The following DACH2 variants were observed in gnomAD, a reference collection of about 807,000 sequenced individuals.
DACH2 encodes dachshund family transcription factor 2, also known as dachshund homolog 2.
DACH2 carries 17 observed loss-of-function variants against 35.8 expected under a neutral mutation model. That is an observed-to-expected ratio of 0.48 (90% CI 0.33 to 0.71). DACH2 has a LOEUF of 0.71. Among genes scored for constraint, DACH2 ranks in the 30% least tolerant of loss-of-function variants. DACH2 has a pLI of 0.02. For synonymous variants in DACH2, 195 were observed against 177.3 expected, an observed-to-expected ratio of 1.10 and a Z score of -0.79; for missense variants, 469 against 472.7, an observed-to-expected ratio of 0.99 and a Z score of 0.07.
In DACH2 at chrX:86,167,211, T is replaced by G. The variant is rs750947441; in HGVS notation, c.488+18103T>G. Among the ~76,000 whole-genome samples, 3 of 111,676 alleles carry G rather than the reference T, an allele frequency of 2.7e-5. No homozygotes were observed. The South Asian group carries it at 1.1e-3, about 41-fold the overall frequency. On this transcript the variant is annotated intron_variant, in intron 1 of 11. Coordinates refer to ENST00000373125, the MANE Select transcript of DACH2 (RefSeq NM_053281.3). ...CCCAAGCTTTTCTTCACTGGGGGAA[T>G]TTTTATTACTGCTTCAATATCATTA...
chrX:86,637,242 A>C (rs1344396707), intron 3 of DACH2, among the ~76,000 whole-genome samples: 1 of 86,861 alleles, frequency 1.2e-5, no homozygotes, highest in Non-Finnish European at 2.2e-5. Flanking sequence ...AAAAAAAAAA[A>C]AAAACAGATG....
intron 7 of DACH2, among the ~76,000 whole-genome samples, chrX:86,792,597 C>T (rs1213644764): frequency 1.8e-5 from 2 of 111,563 alleles, no homozygotes; most frequent in African/African-American, 6.5e-5. Context: ...TGTTTTTTAG[C>T]TCCCACATAT....
chrX:86,691,226 G>T (rs2041006977), intron 4 of DACH2, among the ~76,000 whole-genome samples: 1 of 111,394 alleles, frequency 9.0e-6, no homozygotes, highest in African/African-American at 3.3e-5. Context: ...TAGTGTTATG[G>T]GCTGAATCAT....
chrX:86,281,453 C>T (rs777626309), intron 1 of DACH2, among the ~76,000 whole-genome samples: 18 of 111,423 alleles, frequency 1.6e-4, no homozygotes, highest in South Asian at 1.5e-3. Flanking sequence ...TTCAACACCC[C>T]GTCATGCTAA....
Position 86,348,607 on chromosome X carries a change from C to T in DACH2, c.489-28217C>T, listed in dbSNP as rs754313034. 3.6e-5 allele frequency among the ~76,000 whole-genome samples: 4 copies of T among 110,909 alleles called. No individual in the cohort carries two copies. The East Asian group carries it at 8.5e-4, about 24-fold the overall frequency. On this transcript the variant is annotated intron_variant, in intron 1 of 11. Transcript: ENST00000373125. ...GAAATTGGAGTACATTTTGGATTTT[C>T]GAGGTAAAGTTAATATTTTCTTTTT...
At chrX:86,413,283 T>C (rs910208577) in intron 2 of DACH2, among the ~76,000 whole-genome samples, 1 of 112,134 alleles carries the variant, frequency 8.9e-6, no homozygotes, top group Admixed American at 9.5e-5. Flanking sequence ...AGAGTTGATA[T>C]AACCCTGAGG....
chrX:86,611,241 C>A (rs1385760003), intron 3 of DACH2, among the ~76,000 whole-genome samples: 1 of 110,849 alleles, frequency 9.0e-6, no homozygotes, highest in East Asian at 2.9e-4. Context: ...GGTTGCCTCA[C>A]AACCCTAACC....
At position 86,148,713 on chromosome X, in the gene DACH2, T is replaced by C; in HGVS notation, c.93T>C (p.Thr31=). ...TCCGGGCCGAACCCCTGTACTCGAC[T>C]CCCAGAGAGCCCCCTCGTCTTACTC... The part of the protein sequence containing the change: ...GLFRAEPLYS[T]PREPPRLTPN... Residue 31 remains threonine, a synonymous_variant, in exon 1 of 12, where the codon ACT becomes ACC. Coordinates refer to ENST00000373125, the MANE Select transcript of DACH2 (RefSeq NM_053281.3). 1 of 1,210,752 alleles carries C rather than the reference T, an allele frequency of 8.3e-7. No individual in the cohort carries two copies. The highest frequency in any genetic ancestry group is 1.1e-6 in the Non-Finnish European group (1 of 895,171).
chrX:86,779,128 T>C (rs1420292869), intron 7 of DACH2, among the ~76,000 whole-genome samples: 2 of 112,012 alleles, frequency 1.8e-5, no homozygotes, highest in Non-Finnish European at 3.8e-5. Context: ...GTCTATTACC[T>C]ATTTATTTAA....
chrX:86,795,878 G>A (rs868866548), intron 7 of DACH2, among the ~76,000 whole-genome samples: 3 of 88,202 alleles, frequency 3.4e-5, no homozygotes, highest in Non-Finnish European at 5.2e-5. Context: ...CGGTGGGTTC[G>A]TGGTCTTGCT....
At chrX:86,757,992 C>T (rs2041845397) in intron 7 of DACH2, among the ~76,000 whole-genome samples, 1 of 112,023 alleles carries the variant, frequency 8.9e-6, no homozygotes, top group African/African-American at 3.2e-5. Flanking sequence ...TTTTGGTAGG[C>T]TGTATGTGTC....
At chrX:86,201,293 G>A (rs1390825982) in intron 1 of DACH2, among the ~76,000 whole-genome samples, 3 of 105,750 alleles carry the variant, frequency 2.8e-5, no homozygotes, top group African/African-American at 1.0e-4. Context: ...CTTGAGGGGG[G>A]TGGGTGGGAG....
intron 7 of DACH2, among the ~76,000 whole-genome samples, chrX:86,784,271 A>G (rs2042116506): frequency 1.9e-5 from 2 of 105,911 alleles, no homozygotes; most frequent in Non-Finnish European, 3.9e-5. Context: ...ATGTAAACAG[A>G]TTAAGAAACC....
intron 7 of DACH2, among the ~76,000 whole-genome samples, chrX:86,768,655 C>A (rs1014033282): frequency 1.8e-5 from 2 of 110,820 alleles, no homozygotes; most frequent in African/African-American, 6.6e-5. Context: ...TATTTATTAG[C>A]TTTTATTTTA....
chrX:86,227,754 A>G lies in DACH2; in HGVS notation c.488+78646A>G, dbSNP rs141923396. ...AAAAAAATGCTGGTCACAACCTACT[A>G]AATTATTTTAATAAACAATTACTAA... is the stretch of plus-strand genomic sequence containing the variant. On this transcript the variant is annotated intron_variant, in intron 1 of 11. Coordinates refer to ENST00000373125, the MANE Select transcript of DACH2 (RefSeq NM_053281.3). 7.2e-3 allele frequency among the ~76,000 whole-genome samples: 791 copies of G among 109,171 alleles called. 3 individuals carry two copies. The highest frequency in any genetic ancestry group is 0.024 in the Middle Eastern group (5 of 209). The allele number at this position is 109,171 out of a possible 115,157, so 94.8% of individuals were successfully genotyped here.
At chrX:86,388,219 G>A (rs770612580) in intron 2 of DACH2, among the ~76,000 whole-genome samples, 23 of 111,709 alleles carry the variant, frequency 2.1e-4, no homozygotes, top group Non-Finnish European at 3.6e-4. Flanking sequence ...AGTTGGAAGC[G>A]CTTTGTCACT....
intron 1 of DACH2, among the ~76,000 whole-genome samples, chrX:86,204,291 C>T (rs181080063): frequency 3.0e-4 from 34 of 111,837 alleles, no homozygotes; most frequent in East Asian, 1.4e-3. Flanking sequence ...ATCAAATTTC[C>T]GGTGGAAAGA....
At chrX:86,433,916 CT>C (rs2037025282) in intron 2 of DACH2, among the ~76,000 whole-genome samples, 1 of 111,527 alleles carries the variant, frequency 9.0e-6, no homozygotes, top group Non-Finnish European at 1.9e-5. Flanking sequence ...ATGCATGTCC[CT>C]GGGCCAAATC....
At chrX:86,259,178 A>C (rs7057975) in intron 1 of DACH2, among the ~76,000 whole-genome samples, 37,849 of 110,836 alleles carry the variant, frequency 0.34, 5,349 homozygotes, top group African/African-American at 0.53. Flanking sequence ...TCTGTGCTTA[A>C]ATATAATTTT....
Sources: gnomAD v4.1 joint callset for allele counts (sites outside exome capture counted in the v4.1 genomes callset) on GRCh38, gnomAD v4.1.1 for gene constraint, MANE v1.5 for transcripts, NCBI Gene and HGNC (gene_info 2026-07-23, HGNC 2026-07-21) for gene names.